Variants in CDH8 observed in about 807,000 individuals in gnomAD.
The protein encoded by CDH8 is cadherin-8.
A neutral mutation model predicts 68.1 loss-of-function variants in CDH8; 17 were observed. That is an observed-to-expected ratio of 0.25 (90% confidence interval 0.17 to 0.37). The LOEUF is 0.37. Among genes scored for constraint, CDH8 ranks in the 10% least tolerant of loss-of-function variants. The probability of loss-of-function intolerance (pLI) is 1.00; values close to 1 mark genes in which losing one functional copy is unlikely to be tolerated. For synonymous variants in CDH8, 372 were observed against 365.1 expected (o/e 1.02, Z -0.21); for missense variants, 763 against 999.3 (o/e 0.76, Z 3.19).
intron 2 of CDH8, among the ~76,000 whole-genome samples, chr16:61,982,864 G>A (rs1965562646): frequency 6.6e-6 from 1 of 152,180 alleles, no homozygotes; most frequent in Admixed American, 6.5e-5. Flanking sequence ...TTATGAGTGA[G>A]CCCAGAGATT....
At chr16:61,678,854 C>T (rs914830742) in intron 10 of CDH8, among the ~76,000 whole-genome samples, 2 of 152,000 alleles carry the variant, frequency 1.3e-5, no homozygotes, top group Non-Finnish European at 2.9e-5. Context: ...TCTTTATCTT[C>T]GACCACTTTT....
At chr16:61,851,034 T>G (rs750440179) in intron 4 of CDH8, among the ~76,000 whole-genome samples, 10 of 152,018 alleles carry the variant, frequency 6.6e-5, no homozygotes, top group Non-Finnish European at 1.3e-4. Flanking sequence ...TACCCACCCC[T>G]TCTGAAATGT....
At chr16:61,990,690 G>A (rs114417207) in intron 2 of CDH8, among the ~76,000 whole-genome samples, 294 of 152,078 alleles carry the variant, frequency 1.9e-3, no homozygotes, top group African/African-American at 6.8e-3. Flanking sequence ...CCAGTGTGGC[G>A]GTGCACACCT....
intron 3 of CDH8, 99 bp from the exon 4 acceptor site, chr16:61,857,337 G>T: frequency 2.0e-6 from 2 of 1,012,352 alleles, no homozygotes; most frequent in Non-Finnish European, 2.9e-6. Context: ...CCATGTGTAG[G>T]GAATAAAAGG....
At chr16:61,657,317 T>C (rs1337898680) in intron 10 of CDH8, among the ~76,000 whole-genome samples, 3 of 152,160 alleles carry the variant, frequency 2.0e-5, no homozygotes, top group African/African-American at 7.2e-5. Flanking sequence ...TATATAGTTA[T>C]ATTTAATTTT....
intron 2 of CDH8, among the ~76,000 whole-genome samples, chr16:61,990,909 AAAGG>A (rs1409133800): frequency 6.6e-6 from 1 of 151,214 alleles, no homozygotes; most frequent in African/African-American, 2.4e-5. Context: ...GAAGGAAGGA[AAAGG>A]AAGGAGGGAA....
intron 9 of CDH8, among the ~76,000 whole-genome samples, chr16:61,719,758 C>T (rs1267218089): frequency 6.6e-6 from 1 of 150,654 alleles, no homozygotes; most frequent in African/African-American, 2.4e-5. Flanking sequence ...CATTGTTTAT[C>T]CTCCCAGGGC....
intron 2 of CDH8, among the ~76,000 whole-genome samples, chr16:61,973,736 A>G (rs1347497566): frequency 6.6e-6 from 1 of 152,230 alleles, no homozygotes; most frequent in African/African-American, 2.4e-5. Flanking sequence ...GATGATCTAA[A>G]GAAAAGACCC....
At chr16:62,011,425 T>C (rs1275191150) in intron 2 of CDH8, among the ~76,000 whole-genome samples, 2 of 152,170 alleles carry the variant, frequency 1.3e-5, no homozygotes, top group Admixed American at 6.6e-5. Flanking sequence ...ACCTACCACA[T>C]GGGGTTCAAA....
intron 3 of CDH8, among the ~76,000 whole-genome samples, chr16:61,862,438 C>T (rs1049232962): frequency 1.2e-4 from 18 of 152,156 alleles, no homozygotes; most frequent in African/African-American, 3.9e-4. Context: ...GGGACTGCAA[C>T]AGAGCTAAGA....
intron 4 of CDH8, among the ~76,000 whole-genome samples, chr16:61,829,798 C>T (rs1031506831): frequency 6.6e-6 from 1 of 151,808 alleles, no homozygotes. Context: ...CTCTTGCTTT[C>T]CCGAGTCCAC....
chr16:61,734,959 TG>T (rs1959635715), intron 8 of CDH8, among the ~76,000 whole-genome samples: 1 of 152,116 alleles, frequency 6.6e-6, no homozygotes, highest in African/African-American at 2.4e-5. Context: ...CCACATGCCC[TG>T]AGAAGCCTCC....
At chr16:61,843,115 T>C (rs910834123) in intron 4 of CDH8, among the ~76,000 whole-genome samples, 1 of 152,144 alleles carries the variant, frequency 6.6e-6, no homozygotes, top group African/African-American at 2.4e-5. Flanking sequence ...TCCTATACTT[T>C]ATACTTCAGG....
chr16:61,753,098 GA>G (rs1433470646), intron 8 of CDH8, among the ~76,000 whole-genome samples: 1 of 151,054 alleles, frequency 6.6e-6, no homozygotes, highest in African/African-American at 2.5e-5. Flanking sequence ...TGAGCAAGAA[GA>G]TTTTTTTATA....
intron 8 of CDH8, among the ~76,000 whole-genome samples, chr16:61,777,629 G>C (rs1347491900): frequency 6.6e-6 from 1 of 152,174 alleles, no homozygotes; most frequent in Non-Finnish European, 1.5e-5. Flanking sequence ...ATGAAAGGAA[G>C]AGGTGGTGGG....
chr16:61,821,683 T>A (rs150604476), intron 5 of CDH8, among the ~76,000 whole-genome samples: 1 of 152,154 alleles, frequency 6.6e-6, no homozygotes, highest in East Asian at 1.9e-4. Context: ...AAAGTCCTCA[T>A]TGCTCTAAAG....
intron 8 of CDH8, among the ~76,000 whole-genome samples, chr16:61,735,953 G>C (rs762907884): frequency 5.1e-4 from 77 of 151,820 alleles, no homozygotes; most frequent in Non-Finnish European, 8.5e-4. Flanking sequence ...CGCACCTGTA[G>C]TCCCAGCTAT....
chr16:61,847,819 A>C (rs1962842754), intron 4 of CDH8, among the ~76,000 whole-genome samples: 1 of 151,620 alleles, frequency 6.6e-6, no homozygotes, highest in African/African-American at 2.4e-5. Flanking sequence ...AATAAACATA[A>C]AAGATTACTG....
At chr16:61,910,354 GC>G (rs1030011914) in intron 2 of CDH8, among the ~76,000 whole-genome samples, 1 of 145,278 alleles carries the variant, frequency 6.9e-6, no homozygotes, top group Admixed American at 6.9e-5. Flanking sequence ...AAAAAAAAAG[GC>G]AACAGAAATC....
Sources: allele counts gnomAD v4.1 joint callset (sites outside exome capture counted in the v4.1 genomes callset), GRCh38; gene constraint gnomAD v4.1.1; transcripts MANE v1.5; gene names NCBI Gene and HGNC (gene_info 2026-07-23, HGNC 2026-07-21).